ZNF462: variants seen among roughly 807,000 people sequenced by gnomAD.
ZNF462 encodes the protein zinc finger protein 462, also known as zinc finger PBX1-interacting protein.
A neutral mutation model predicts 201.9 loss-of-function variants in ZNF462; 10 were observed. The observed-to-expected ratio is 0.05, with a 90% CI of 0.03 to 0.08. The LOEUF is 0.08. ZNF462 is among the 10% of genes least tolerant of loss of function. ZNF462 has a pLI of 1.00. For missense variants in ZNF462, 2,523 were observed against 3,168.3 expected (o/e 0.80, Z 4.89); for synonymous variants, 1,227 against 1,193.3 (o/e 1.03, Z -0.58).
At chr9:106,863,120 G>C, upstream of ZNF462, 1 of 398,578 alleles carries the variant, frequency 2.5e-6, no homozygotes, top group Non-Finnish European at 4.4e-6. Context: ...GGGAGAGAGA[G>C]AGAGAGGGAG....
intron 1 of ZNF462, among the ~76,000 whole-genome samples, chr9:106,877,278 A>G (rs1827873731): frequency 6.9e-6 from 1 of 143,908 alleles, no homozygotes; most frequent in East Asian, 2.0e-4. Flanking sequence ...TTTCACCTGT[A>G]CAAGCAAACT....
Position 106,928,171 on chromosome 9 carries a change from C to A in ZNF462, c.4259C>A (p.Ser1420Tyr). ...GCTGTGGAGAAGCCCATTCTTTCATCCGAAGAGTTGGCAGGCCCTGTGAAT... is the reference window on the plus strand; with the variant it reads ...GCTGTGGAGAAGCCCATTCTTTCATACGAAGAGTTGGCAGGCCCTGTGAAT... Reference protein sequence around the residue: ...KDAVEKPILSSEELAGPVNCE... With the variant: ...KDAVEKPILSYEELAGPVNCE... Residue 1420 changes from serine to tyrosine, a missense_variant, in exon 3 of 13, where the codon TCC (serine) becomes TAC (tyrosine). Physicochemically the swap from Ser to Tyr is moderately radical, Grantham distance 144. Coordinates refer to ENST00000277225, the MANE Select transcript of ZNF462 (RefSeq NM_021224.6). The surrounding 1 kb of genome is among the most constrained non-coding windows in gnomAD (Gnocchi z 9.3). 1 of 1,614,168 alleles carries A rather than the reference C, an allele frequency of 6.2e-7. No homozygotes were observed. The highest frequency in any genetic ancestry group is 8.5e-7 in the Non-Finnish European group (1 of 1,180,040).
intron 1 of ZNF462, among the ~76,000 whole-genome samples, chr9:106,891,983 A>G (rs1260691519): frequency 1.3e-5 from 2 of 152,214 alleles, no homozygotes; most frequent in Non-Finnish European, 2.9e-5. Flanking sequence ...GTTAAATTCC[A>G]TATTATACAA....
chr9:106,930,411 G>T lies in ZNF462; in HGVS notation c.5848-114G>T. 7.2e-7 allele frequency: 1 copy of T among 1,384,472 alleles called. No individual in the cohort carries two copies. The highest frequency in any genetic ancestry group is 9.8e-7 in the Non-Finnish European group (1 of 1,023,316). 85.8% of individuals were successfully genotyped at this position (1,384,472 alleles called of 1,614,324 possible). On this transcript the variant is annotated intron_variant, in intron 3 of 12. Coordinates refer to ENST00000277225, the MANE Select transcript of ZNF462 (RefSeq NM_021224.6). The surrounding 1 kb of genome is among the most constrained non-coding windows in gnomAD (Gnocchi z 5.8). The stretch of plus-strand genomic sequence containing the variant: ...AAAATACTCGCCTATATCTCCCTTG[G>T]TTTTTAACCTGCTAATCGGCTTTAA...
intron 1 of ZNF462, among the ~76,000 whole-genome samples, chr9:106,878,549 G>C (rs1020200110): frequency 2.0e-5 from 3 of 152,140 alleles, no homozygotes; most frequent in Non-Finnish European, 4.4e-5. Context: ...TACTAAGCAC[G>C]GCTACAGTAT....
chr9:107,009,477 GA>G lies in ZNF462; in HGVS notation c.7190-66del. On this transcript the variant is annotated intron_variant, in intron 11 of 12. Transcript: ENST00000277225. The surrounding 1 kb of genome is among the most constrained non-coding windows in gnomAD (Gnocchi z 6.1). Reference sequence around the variant, plus strand: ...AAGGTAGGAGAGAGGGTATCCTAATGAATGCTGACTTACCTATTCTGCTGAT... The same window carrying G: ...AAGGTAGGAGAGAGGGTATCCTAATGATGCTGACTTACCTATTCTGCTGAT... 4 of 1,597,724 alleles carry G rather than the reference GA, an allele frequency of 2.5e-6. No homozygotes were observed. In the Admixed American group the frequency reaches 5.1e-5, roughly 20 times the overall value.
intron 1 of ZNF462, among the ~76,000 whole-genome samples, chr9:106,889,109 G>C (rs759516483): frequency 4.6e-5 from 7 of 152,188 alleles, no homozygotes; most frequent in Non-Finnish European, 7.3e-5. Flanking sequence ...AGTCTTGTCA[G>C]TTGCCCCAGG....
chr9:106,998,179 TC>T (rs1828884977), intron 10 of ZNF462, among the ~76,000 whole-genome samples: 2 of 152,190 alleles, frequency 1.3e-5, no homozygotes, highest in African/African-American at 4.8e-5. Flanking sequence ...GTTGGGTGCC[TC>T]TTTTTGAAGC....
intron 7 of ZNF462, among the ~76,000 whole-genome samples, chr9:106,953,803 G>T (rs57130331): frequency 1.3e-5 from 2 of 152,094 alleles, no homozygotes; most frequent in African/African-American, 2.4e-5. Context: ...CATTTCAAAG[G>T]TTCTAAAATG....
chr9:106,958,823 T>C (rs1831698163), intron 7 of ZNF462, among the ~76,000 whole-genome samples: 1 of 151,720 alleles, frequency 6.6e-6, no homozygotes, highest in African/African-American at 2.4e-5. Context: ...TGGTGAAGGG[T>C]AGAAAGGATG....
rs558745675 is a variant in ZNF462 at position 106,933,360 on chromosome 9, A to C, written c.6116+811A>C. The C allele has an allele frequency of 6.6e-6, 1 of 152,414 alleles. No individual in the cohort carries two copies. Among genetic ancestry groups the C allele is most frequent in the Non-Finnish European group, 1.5e-5 (1 of 68,128 alleles). 9.4% of individuals were successfully genotyped at this position (152,414 alleles called of 1,614,324 possible). A position where few individuals can be genotyped will look rare whatever the true frequency, so the allele number is the denominator to read the frequency against. ...GAAGAAGGAGGTGGTGTTTTCACAG[A>C]GGTTAGGATGGGTTGTAAACACTTT... is the stretch of plus-strand genomic sequence containing the variant. On this transcript the variant is annotated intron_variant, in intron 5 of 12. Transcript: ENST00000277225. The surrounding 1 kb of genome is among the most constrained non-coding windows in gnomAD (Gnocchi z 4.3).
chr9:106,924,270 A>G lies in ZNF462; in HGVS notation c.358A>G (p.Lys120Glu), dbSNP rs1830098732. ...GTTCTGTGTACGCTACTTCAGGTCA[A>G]AAAACCTCCTCATAGAACACACTAG... ...CKFCVRYFRS[K>E]NLLIEHTRKV... Residue 120 changes from lysine to glutamate, a missense_variant, in exon 3 of 13, where the codon AAA (lysine) becomes GAA (glutamate). Lys to Glu is a moderately conservative substitution (Grantham distance 56). Transcript: ENST00000277225. The surrounding 1 kb of genome is among the most constrained non-coding windows in gnomAD (Gnocchi z 6.2). 2.5e-6 allele frequency: 4 copies of G among 1,614,060 alleles called. No individual in the cohort carries two copies. The highest frequency in any genetic ancestry group is 1.3e-5 in the African/African-American group (1 of 74,922).
Position 106,913,265 on chromosome 9 carries a change from C to T in ZNF462, c.-30-10089C>T, listed in dbSNP as rs553988782. ...GATGTGGCTTCATTAGCTTCATAAGCACTAGGTTTTGCTTTGTTTTTCTGT... is the reference window on the plus strand; with the variant it reads ...GATGTGGCTTCATTAGCTTCATAAGTACTAGGTTTTGCTTTGTTTTTCTGT... On this transcript the variant is annotated intron_variant, in intron 1 of 12. Transcript: ENST00000277225. This position sits in a 1 kb window ranked among gnomAD's most constrained non-coding sequence, Gnocchi z 4.1. Among the ~76,000 whole-genome samples, 258 of 152,274 alleles carry T rather than the reference C, an allele frequency of 1.7e-3. 2 individuals are homozygous for T. The highest frequency in any genetic ancestry group is 6.0e-3 in the African/African-American group (249 of 41,552).
intron 1 of ZNF462, among the ~76,000 whole-genome samples, chr9:106,882,963 C>T (rs193018640): frequency 5.9e-5 from 9 of 152,214 alleles, no homozygotes; most frequent in East Asian, 5.8e-4. Context: ...GATGAAGCAA[C>T]GGAACCAGGA....
Position 106,923,643 on chromosome 9 carries a change from A to G in ZNF462, c.220+40A>G, listed in dbSNP as rs1415388943. On this transcript the variant is annotated intron_variant, in intron 2 of 12. Transcript: ENST00000277225. This position sits in a 1 kb window ranked among gnomAD's most constrained non-coding sequence, Gnocchi z 5.6. Reference sequence around the variant, plus strand: ...AACTTGGCACGGCCGATGTATTTTAATTGCTCTTGTTTCCTTTTAGCCTGT... The same window carrying G: ...AACTTGGCACGGCCGATGTATTTTAGTTGCTCTTGTTTCCTTTTAGCCTGT... 6.3e-7 allele frequency: 1 copy of G among 1,594,450 alleles called. No individual in the cohort carries two copies. Among genetic ancestry groups the G allele is most frequent in the Non-Finnish European group, 8.6e-7 (1 of 1,162,786 alleles).
rs950361463 is a variant in ZNF462 at position 106,927,948 on chromosome 9, G to A, written c.4036G>A (p.Ala1346Thr). 6.2e-7 allele frequency: 1 copy of A among 1,614,182 alleles called. No individual in the cohort carries two copies. Among genetic ancestry groups the A allele is most frequent in the African/African-American group, 1.3e-5 (1 of 75,032 alleles). ...ACACTATGTTGATTACACCTACATG[G>A]CTACTAAACTGTGGGCTGGGCCAGA... ...PEHYVDYTYM[A>T]TKLWAGPDPS... Residue 1346 changes from alanine (A) to threonine (T), a missense_variant, in exon 3 of 13, where the codon GCT becomes ACT. By Grantham distance (58) the Ala-to-Thr change is moderately conservative. Transcript: ENST00000277225.
intron 1 of ZNF462, among the ~76,000 whole-genome samples, chr9:106,877,503 C>A (rs1369325102): frequency 6.6e-6 from 1 of 151,812 alleles, no homozygotes; most frequent in Non-Finnish European, 1.5e-5. Flanking sequence ...GATTCCTCCA[C>A]CTCAGCCTCC....
At chr9:106,931,621 C>T (rs1329742199) in intron 4 of ZNF462, among the ~76,000 whole-genome samples, 1 of 152,204 alleles carries the variant, frequency 6.6e-6, no homozygotes, top group African/African-American at 2.4e-5. Flanking sequence ...GTGTCCCAGG[C>T]TCGTTTCCTG....
intron 10 of ZNF462, among the ~76,000 whole-genome samples, chr9:107,001,702 T>C (rs193197496): frequency 7.9e-5 from 12 of 152,296 alleles, no homozygotes; most frequent in African/African-American, 2.2e-4. Flanking sequence ...TCAGGATTCA[T>C]AATTGACCTC....
Sources: allele counts gnomAD v4.1 joint callset (sites outside exome capture counted in the v4.1 genomes callset), GRCh38; gene constraint gnomAD v4.1.1; non-coding constraint Gnocchi (gnomAD v3.1); transcripts MANE v1.5; gene names NCBI Gene and HGNC (gene_info 2026-07-23, HGNC 2026-07-21).